Variants in SEMA6D observed in about 807,000 individuals in gnomAD.
SEMA6D encodes semaphorin 6D, also known as semaphorin-6D.
In SEMA6D, 35 loss-of-function variants were observed where a neutral mutation model predicts 106.6. The observed-to-expected ratio is 0.33, with a 90% CI of 0.25 to 0.44. The LOEUF is 0.44. SEMA6D is among the 20% of genes least tolerant of loss of function. The probability of loss-of-function intolerance (pLI) is 1.00; values close to 1 mark genes in which losing one functional copy is unlikely to be tolerated. For synonymous variants in SEMA6D, 499 were observed against 487.7 expected, an observed-to-expected ratio of 1.02 and a Z score of -0.31; for missense variants, 1,185 against 1,345.9, an observed-to-expected ratio of 0.88 and a Z score of 1.87.
At chr15:47,527,260 A>T (rs953395726) in intron 3 of SEMA6D, among the ~76,000 whole-genome samples, 2 of 152,172 alleles carry the variant, frequency 1.3e-5, no homozygotes, top group South Asian at 4.1e-4. Context: ...CTAAATATAT[A>T]CATTTATTAA....
At chr15:47,582,193 C>T (rs922176334) in intron 3 of SEMA6D, among the ~76,000 whole-genome samples, 1 of 152,126 alleles carries the variant, frequency 6.6e-6, no homozygotes, top group African/African-American at 2.4e-5. Flanking sequence ...GTGCCCAGAC[C>T]ACCCCGAGGG....
At chr15:47,673,406 C>T (rs929591566) in intron 4 of SEMA6D, among the ~76,000 whole-genome samples, 2 of 152,148 alleles carry the variant, frequency 1.3e-5, no homozygotes, top group Non-Finnish European at 2.9e-5. Context: ...AACACTCCTC[C>T]CCCTCCTCCT....
chr15:47,373,110 C>A (rs1465859666), intron 1 of SEMA6D, among the ~76,000 whole-genome samples: 1 of 152,200 alleles, frequency 6.6e-6, no homozygotes, highest in Non-Finnish European at 1.5e-5. Flanking sequence ...CTGCTTCTTG[C>A]ACTGCATTGT....
intron 1 of SEMA6D, among the ~76,000 whole-genome samples, chr15:47,391,297 G>A (rs755688309): frequency 2.6e-5 from 4 of 152,156 alleles, no homozygotes; most frequent in Admixed American, 1.3e-4. Context: ...GTCTACCACT[G>A]TGGAACTCTT....
chr15:47,624,474 A>G (rs1378904324), intron 4 of SEMA6D, among the ~76,000 whole-genome samples: 1 of 152,226 alleles, frequency 6.6e-6, no homozygotes, highest in Non-Finnish European at 1.5e-5. Flanking sequence ...CAATTTGTAC[A>G]TAATGTGAAA....
At chr15:47,622,739 T>A (rs1566941522) in intron 4 of SEMA6D, among the ~76,000 whole-genome samples, 1 of 152,146 alleles carries the variant, frequency 6.6e-6, no homozygotes, top group Non-Finnish European at 1.5e-5. Flanking sequence ...CTCTGGAGCA[T>A]AAATTACATT....
chr15:47,226,879 T>C (rs2031707282), intron 1 of SEMA6D, among the ~76,000 whole-genome samples: 1 of 152,090 alleles, frequency 6.6e-6, no homozygotes, highest in Non-Finnish European at 1.5e-5. Flanking sequence ...ACATCAGATA[T>C]TACGCCAGCT....
At chr15:47,246,165 G>C (rs546008090) in intron 1 of SEMA6D, among the ~76,000 whole-genome samples, 2 of 152,298 alleles carry the variant, frequency 1.3e-5, no homozygotes, top group Admixed American at 1.3e-4. Context: ...TGTATAGTGA[G>C]TGACTACTAG....
chr15:47,553,541 ATGTAT>A (rs1173034212), intron 3 of SEMA6D, among the ~76,000 whole-genome samples: 8 of 152,224 alleles, frequency 5.3e-5, no homozygotes, highest in Non-Finnish European at 8.8e-5. Context: ...AAGGCTACTG[ATGTAT>A]TGTACCAGTG....
chr15:47,260,724 G>C (rs1217738639), intron 1 of SEMA6D, among the ~76,000 whole-genome samples: 1 of 152,104 alleles, frequency 6.6e-6, no homozygotes, highest in East Asian at 1.9e-4. Context: ...GATTGTCCTG[G>C]TATTTCTTGG....
intron 1 of SEMA6D, chr15:47,396,850 G>C (rs763430683): frequency 1.3e-5 from 2 of 152,098 alleles, no homozygotes; most frequent in Non-Finnish European, 2.9e-5. Flanking sequence ...AAAGCCTTTT[G>C]TTTAAAAAGC....
intron 3 of SEMA6D, among the ~76,000 whole-genome samples, chr15:47,552,881 A>AAT (rs1447208066): frequency 1.4e-3 from 20 of 14,332 alleles, no homozygotes; most frequent in Non-Finnish European, 2.5e-3. Flanking sequence ...TATATATATA[A>AAT]ATATATATAA....
chr15:47,481,056 G>T (rs1268860638), intron 3 of SEMA6D, among the ~76,000 whole-genome samples: 1 of 152,080 alleles, frequency 6.6e-6, no homozygotes, highest in Non-Finnish European at 1.5e-5. Context: ...CATCCCCCAA[G>T]GAATTATCTA....
At chr15:47,292,621 A>G (rs2035634012) in intron 1 of SEMA6D, among the ~76,000 whole-genome samples, 2 of 152,166 alleles carry the variant, frequency 1.3e-5, no homozygotes. Context: ...TGGCAGGGCC[A>G]AGGAGGTCTT....
chr15:47,436,020 T>C (rs533712923), intron 2 of SEMA6D, among the ~76,000 whole-genome samples: 3 of 152,202 alleles, frequency 2.0e-5, no homozygotes, highest in African/African-American at 7.2e-5. Context: ...GGGTTGAGTG[T>C]TTCAGCACTT....
At chr15:47,613,899 G>A (rs1289981951) in intron 4 of SEMA6D, among the ~76,000 whole-genome samples, 2 of 152,094 alleles carry the variant, frequency 1.3e-5, no homozygotes, top group East Asian at 3.9e-4. Context: ...CGCCCGCCTC[G>A]GCCTCCCAAA....
intron 1 of SEMA6D, among the ~76,000 whole-genome samples, chr15:47,279,655 C>A (rs1176976200): frequency 6.6e-6 from 1 of 151,966 alleles, no homozygotes; most frequent in African/African-American, 2.4e-5. Flanking sequence ...ATGATATTGG[C>A]TGTGGGTTTG....
Position 47,764,255 on chromosome 15 carries a change from T to G in SEMA6D, c.1047T>G (p.Thr349=), listed in dbSNP as rs1458107141. Residue 349 remains threonine (T), a synonymous_variant, in exon 11 of 19, where the codon ACT becomes ACG. Transcript: ENST00000536845. ...AAGGACGGTTTAAGGAACAGAAAAC[T>G]CCAGATTCTGTTTGGACAGCAGTTC... ...VFKGRFKEQK[T]PDSVWTAVPE... The G allele has an allele frequency of 6.2e-7, 1 of 1,613,738 alleles. No individual in the cohort carries two copies. Among genetic ancestry groups the G allele is most frequent in the Non-Finnish European group, 8.5e-7 (1 of 1,179,742 alleles).
At chr15:47,478,513 C>T (rs78233357) in intron 3 of SEMA6D, among the ~76,000 whole-genome samples, 5,327 of 152,190 alleles carry the variant, frequency 0.035, 240 homozygotes, top group African/African-American at 0.1. Flanking sequence ...CTAACCAGAA[C>T]GGTCAGGCTA....
Sources: allele counts gnomAD v4.1 joint callset (sites outside exome capture counted in the v4.1 genomes callset), GRCh38; gene constraint gnomAD v4.1.1; transcripts MANE v1.5; gene names NCBI Gene and HGNC (gene_info 2026-07-23, HGNC 2026-07-21).